The following UMAD1 variants were observed in gnomAD, a reference collection of about 807,000 sequenced individuals.
UMAD1 encodes UBAP1-MVB12-associated (UMA)-domain containing protein 1.
Under a neutral mutation model 6.1 loss-of-function variants are expected in UMAD1, and 8 were observed. The observed-to-expected ratio is 1.30, with a 90% CI of 0.76 to 2.35. UMAD1 has a LOEUF of 2.35. Among genes scored for constraint, UMAD1 ranks in the 30% most tolerant of loss-of-function variants. The pLI, the probability that UMAD1 is intolerant of heterozygous loss-of-function variation, is 0.00. For synonymous variants in UMAD1, 56 were observed against 31.4 expected (o/e 1.78, Z -2.61); for missense variants, 130 against 78.4 (o/e 1.66, Z -2.49).
At chr7:7,753,892 A>G (rs574248310) in intron 2 of UMAD1, among the ~76,000 whole-genome samples, 1 of 152,240 alleles carries the variant, frequency 6.6e-6, no homozygotes, top group South Asian at 2.1e-4. Flanking sequence ...ATTCCCACCA[A>G]CAGTGTACGG....
At chr7:7,773,165 G>C (rs1188041849) in intron 2 of UMAD1, among the ~76,000 whole-genome samples, 1 of 152,180 alleles carries the variant, frequency 6.6e-6, no homozygotes, top group Non-Finnish European at 1.5e-5. Context: ...GAATTGCACA[G>C]TTATATTTAC....
chr7:7,802,237 G>A (rs1418053942), intron 3 of UMAD1, among the ~76,000 whole-genome samples: 1 of 152,170 alleles, frequency 6.6e-6, no homozygotes, highest in African/African-American at 2.4e-5. Flanking sequence ...AATTAGCTGG[G>A]CATGGTGGCA....
chr7:7,658,447 T>G (rs1179051177), intron 1 of UMAD1, among the ~76,000 whole-genome samples: 1 of 152,232 alleles, frequency 6.6e-6, no homozygotes, highest in African/African-American at 2.4e-5. Flanking sequence ...GGCTGTGGGT[T>G]TGTCATAAAT....
intron 2 of UMAD1, among the ~76,000 whole-genome samples, chr7:7,774,204 G>A (rs988728508): frequency 1.3e-5 from 2 of 152,188 alleles, no homozygotes; most frequent in South Asian, 4.1e-4. Context: ...TAGAACATGA[G>A]CAATGTTGTT....
At chr7:7,795,292 C>G (rs1400829174) in intron 2 of UMAD1, among the ~76,000 whole-genome samples, 1 of 152,208 alleles carries the variant, frequency 6.6e-6, no homozygotes, top group Non-Finnish European at 1.5e-5. Flanking sequence ...TTTTTGTCAG[C>G]TAGTTCCACT....
chr7:7,712,965 C>G (rs540444463), intron 2 of UMAD1, among the ~76,000 whole-genome samples: 1 of 151,904 alleles, frequency 6.6e-6, no homozygotes, highest in Non-Finnish European at 1.5e-5. Context: ...TTTTATGTAC[C>G]GAATGAATTT....
intron 2 of UMAD1, among the ~76,000 whole-genome samples, chr7:7,775,378 T>C (rs1345120714): frequency 6.6e-6 from 1 of 152,208 alleles, no homozygotes; most frequent in Non-Finnish European, 1.5e-5. Context: ...CACCATGCTG[T>C]TCTCATGATA....
intron 2 of UMAD1, among the ~76,000 whole-genome samples, chr7:7,698,923 C>A (rs1457712893): frequency 6.9e-6 from 1 of 145,252 alleles, no homozygotes. Flanking sequence ...GGTCTGATAA[C>A]AGCTCACTGA....
At chr7:7,674,022 T>A (rs1318771074) in intron 2 of UMAD1, among the ~76,000 whole-genome samples, 1 of 152,230 alleles carries the variant, frequency 6.6e-6, no homozygotes, top group African/African-American at 2.4e-5. Flanking sequence ...TAAAATTTCC[T>A]CCATGTCATG....
intron 2 of UMAD1, chr7:7,772,242 A>T (rs559926201): frequency 6.6e-6 from 1 of 152,168 alleles, no homozygotes; most frequent in Non-Finnish European, 1.5e-5. Flanking sequence ...ATTCCTTACT[A>T]TGGATTTTAA....
rs114472358 is a variant in UMAD1, at chr7:7,757,605, A to C, written c.83-44065A>C. On this transcript the variant is annotated intron_variant, in intron 2 of 3. Transcript: ENST00000682710. ...AGAGTTAGTTTACAGATATTTGGTC[A>C]TTCTCATTTTAGATAAACAGAAAGC... 2.6e-3 allele frequency among the ~76,000 whole-genome samples: 390 copies of C among 152,356 alleles called. 2 individuals are homozygous for C. Among genetic ancestry groups the C allele is most frequent in the African/African-American group, 9.0e-3 (374 of 41,586 alleles).
chr7:7,868,106 G>A (rs966788923), intron 3 of UMAD1, among the ~76,000 whole-genome samples: 20 of 152,132 alleles, frequency 1.3e-4, no homozygotes, highest in African/African-American at 3.6e-4. Flanking sequence ...ATCATGAGGC[G>A]GGAAGGCCTA....
chr7:7,684,976 C>T (rs1000648774), intron 2 of UMAD1, among the ~76,000 whole-genome samples: 5 of 152,186 alleles, frequency 3.3e-5, no homozygotes, highest in African/African-American at 9.7e-5. Context: ...TGTTTCCTTA[C>T]AGGCTTTACT....
chr7:7,846,492 A>G (rs1783784444), intron 3 of UMAD1, among the ~76,000 whole-genome samples: 1 of 152,168 alleles, frequency 6.6e-6, no homozygotes, highest in African/African-American at 2.4e-5. Flanking sequence ...TACAAATACA[A>G]TGTTCATAAA....
chr7:7,877,225 G>A (rs754825193), intron 3 of UMAD1, 56 bp from the exon 4 acceptor site: 29 of 682,794 alleles, frequency 4.2e-5, no homozygotes, highest in Admixed American at 2.9e-4. Context: ...CACATTTACC[G>A]TTATTCAACC....
chr7:7,745,358 C>CT (rs1781551514), intron 2 of UMAD1, among the ~76,000 whole-genome samples: 1 of 152,168 alleles, frequency 6.6e-6, no homozygotes, highest in Admixed American at 6.6e-5. Flanking sequence ...TTGCTTCTCT[C>CT]TGATTTCTAA....
intron 1 of UMAD1, among the ~76,000 whole-genome samples, chr7:7,661,482 A>T (rs1288513400): frequency 6.6e-6 from 1 of 152,024 alleles, no homozygotes; most frequent in African/African-American, 2.4e-5. Flanking sequence ...GTGACCTTTC[A>T]GTGGGGTTTC....
chr7:7,851,027 A>G (rs1170560941), intron 3 of UMAD1, among the ~76,000 whole-genome samples: 2 of 152,190 alleles, frequency 1.3e-5, no homozygotes, highest in Non-Finnish European at 2.9e-5. Context: ...TATGACCAGT[A>G]TATATATTTT....
intron 3 of UMAD1, among the ~76,000 whole-genome samples, chr7:7,837,715 G>T (rs59082587): frequency 0.24 from 27,885 of 114,164 alleles, 2,853 homozygotes; most frequent in South Asian, 0.34. Flanking sequence ...TAGAACAAAT[G>T]TGAATATATC....
Sources: gnomAD v4.1 joint callset for allele counts (sites outside exome capture counted in the v4.1 genomes callset) on GRCh38, gnomAD v4.1.1 for gene constraint, MANE v1.5 for transcripts, NCBI Gene and HGNC (gene_info 2026-07-23, HGNC 2026-07-21) for gene names.